NLRP11: variants seen among roughly 807,000 people sequenced by gnomAD.
NLRP11 encodes the protein NLR family pyrin domain containing 11, also known as NACHT, LRR and PYD domains-containing protein 11.
A neutral mutation model predicts 79.3 loss-of-function variants in NLRP11; 53 were observed. That is an observed-to-expected ratio of 0.67 (90% CI 0.54 to 0.84). The LOEUF (loss-of-function observed/expected upper bound fraction) is 0.84. NLRP11 is among the 40% of genes least tolerant of loss of function. The pLI is 0.00. For synonymous variants in NLRP11, 518 were observed against 462.6 expected (o/e 1.12, Z -1.54); for missense variants, 1,264 against 1,255.0 (o/e 1.01, Z -0.11).
Position 55,809,429 on chromosome 19 carries a change from A to T in NLRP11, c.1181T>A (p.Leu394Gln). 1 of 1,614,212 alleles carries T rather than the reference A, an allele frequency of 6.2e-7. No individual in the cohort carries two copies. ...TGCAGCCAGCAAACACAGACGTTTT[A>T]GGAGACCTAGGTGATACTGATTGGC... The change falls in exon 3 of 10, where the codon CTA becomes CAA. Residue 394 changes from leucine (L) to glutamine (Q), a missense_variant. Coordinates refer to ENST00000589093, the Ensembl canonical transcript of NLRP11. The surrounding 1 kb of genome is among the most constrained non-coding windows in gnomAD (Gnocchi z 4.5).
chr19:55,798,311 G>T, intron 5 of NLRP11: 1 of 984,812 alleles, frequency 1.0e-6, no homozygotes. Context: ...TATTCTATTT[G>T]GAATGAAAGT....
Position 55,785,881 on chromosome 19 carries a change from AAC to A in NLRP11, c.2856-12_2856-11del, listed in dbSNP as rs1421253731. ...GCCAGTTAATGGAAGCCTGAAGGAA[AAC>A]AGAGAGAGAACGCCGTTAATGCTAC... is the stretch of plus-strand genomic sequence containing the variant. On this transcript the variant is annotated splice_polypyrimidine_tract_variant and intron_variant, in intron 9 of 9. Coordinates refer to ENST00000589093, the Ensembl canonical transcript of NLRP11. The A allele has an allele frequency of 1.2e-6, 2 of 1,609,212 alleles. No individual in the cohort carries two copies. Among genetic ancestry groups the A allele is most frequent in the South Asian group, 2.2e-5 (2 of 90,170 alleles).
exon 10 of NLRP11, chr19:55,785,796 G>A (rs750399264): frequency 6.2e-7 from 1 of 1,614,076 alleles, no homozygotes; most frequent in Non-Finnish European, 8.5e-7. Context: ...CAGACAGAAA[G>A]ATCAAACTGG....
chr19:55,818,087 G>C, exon 2 of NLRP11: 1 of 1,614,032 alleles, frequency 6.2e-7, no homozygotes, highest in South Asian at 1.1e-5. Flanking sequence ...TTGCGTGCCA[G>C]ATACTTCTTA....
At chr19:55,802,000 G>C (rs1979527098) in intron 4 of NLRP11, among the ~76,000 whole-genome samples, 1 of 152,078 alleles carries the variant, frequency 6.6e-6, no homozygotes, top group South Asian at 2.1e-4. Context: ...CCACAAGCCG[G>C]ATACTAAGAA....
At chr19:55,804,030 C>T (rs866729315) in intron 4 of NLRP11, among the ~76,000 whole-genome samples, 30 of 152,190 alleles carry the variant, frequency 2.0e-4, no homozygotes, top group African/African-American at 5.8e-4. Flanking sequence ...TGCAGTGAGC[C>T]GAGATTGTGC....
chr19:55,819,650 T>C (rs1367802724), intron 1 of NLRP11, among the ~76,000 whole-genome samples: 1 of 152,116 alleles, frequency 6.6e-6, no homozygotes, highest in Admixed American at 6.5e-5. Flanking sequence ...AAGGGATAAA[T>C]AGTCCCTTTG....
intron 2 of NLRP11, among the ~76,000 whole-genome samples, chr19:55,813,056 A>G (rs1332278042): frequency 6.6e-6 from 1 of 152,204 alleles, no homozygotes; most frequent in East Asian, 1.9e-4. Flanking sequence ...GGCCAGGCAC[A>G]GCGACTCACA....
At chr19:55,798,317 A>T in intron 5 of NLRP11, 1 of 985,118 alleles carries the variant, frequency 1.0e-6, no homozygotes, top group Non-Finnish European at 1.2e-6. Context: ...ATTTGGAATG[A>T]AAGTGAAAGC....
intron 7 of NLRP11, among the ~76,000 whole-genome samples, chr19:55,789,967 C>A (rs961765567): frequency 1.3e-5 from 2 of 152,158 alleles, no homozygotes; most frequent in African/African-American, 2.4e-5. Context: ...TACTTCATTG[C>A]CTCACCACGT....
At chr19:55,807,124 T>C (rs1346866755) in intron 4 of NLRP11, among the ~76,000 whole-genome samples, 1 of 152,178 alleles carries the variant, frequency 6.6e-6, no homozygotes, top group Non-Finnish European at 1.5e-5. Flanking sequence ...ATTTGTCTTT[T>C]TTCCCCCCAT....
At chr19:55,827,448 CA>C (rs1982340036) in intron 1 of NLRP11, among the ~76,000 whole-genome samples, 1 of 150,510 alleles carries the variant, frequency 6.6e-6, no homozygotes, top group Admixed American at 6.7e-5. Context: ...TTCTGCACAG[CA>C]AAAGAAACTA....
chr19:55,822,883 A>C (rs895132373), intron 1 of NLRP11, among the ~76,000 whole-genome samples: 1 of 152,248 alleles, frequency 6.6e-6, no homozygotes, highest in African/African-American at 2.4e-5. Context: ...CAAAGCAGCC[A>C]GGAAGCTGGA....
chr19:55,790,886 A>C (rs1002709614), intron 7 of NLRP11, among the ~76,000 whole-genome samples: 2 of 152,212 alleles, frequency 1.3e-5, no homozygotes, highest in Non-Finnish European at 2.9e-5. Flanking sequence ...GTGGGCTTCC[A>C]TGTGCCCTAT....
intron 4 of NLRP11, among the ~76,000 whole-genome samples, 165 bp from the exon 5 acceptor site, chr19:55,801,904 C>T (rs1417177302): frequency 1.3e-5 from 2 of 152,166 alleles, no homozygotes; most frequent in Non-Finnish European, 2.9e-5. Flanking sequence ...AAGACTATTG[C>T]TAATTCCAAG....
intron 1 of NLRP11, among the ~76,000 whole-genome samples, chr19:55,819,146 C>T (rs994061035): frequency 3.1e-5 from 3 of 96,932 alleles, no homozygotes; most frequent in Admixed American, 8.5e-5. Context: ...CACACACACA[C>T]ACACACACAC....
chr19:55,793,290 C>T (rs1318842164), intron 6 of NLRP11, among the ~76,000 whole-genome samples: 3 of 151,932 alleles, frequency 2.0e-5, no homozygotes, highest in East Asian at 1.9e-4. Context: ...GGAAATAGGC[C>T]GGGCACGGTG....
chr19:55,803,278 C>T (rs556448381), intron 4 of NLRP11, among the ~76,000 whole-genome samples: 20 of 151,906 alleles, frequency 1.3e-4, no homozygotes, highest in Admixed American at 5.9e-4. Context: ...ACCTGGGAGG[C>T]GGAGGTTGCA....
At chr19:55,796,038 A>G (rs1978815026) in intron 6 of NLRP11, 42 bp downstream of exon 6, 2 of 1,543,578 alleles carry the variant, frequency 1.3e-6, no homozygotes, top group East Asian at 2.3e-5. Flanking sequence ...TATTCAAGTC[A>G]GTCTGAGCTT....
Sources: gnomAD v4.1 joint callset for allele counts (sites outside exome capture counted in the v4.1 genomes callset) on GRCh38, gnomAD v4.1.1 for gene constraint, Gnocchi (gnomAD v3.1) non-coding constraint, MANE v1.5 for transcripts, NCBI Gene and HGNC (gene_info 2026-07-23, HGNC 2026-07-21) for gene names.